The following NIPAL2 variants were observed in gnomAD, a reference collection of about 807,000 sequenced individuals.
NIPAL2 encodes NIPA like domain containing 2, also known as NIPA-like protein 2.
Under a neutral mutation model 48.9 loss-of-function variants are expected in NIPAL2, and 43 were observed. The observed-to-expected ratio is 0.88, with a 90% confidence interval of 0.69 to 1.13. NIPAL2 has a LOEUF of 1.13. NIPAL2 is among the 50% of genes most tolerant of loss of function. NIPAL2 has a pLI of 0.00. For synonymous variants in NIPAL2, 167 were observed against 174.6 expected, an observed-to-expected ratio of 0.96 and a Z score of 0.34; for missense variants, 446 against 461.4, an observed-to-expected ratio of 0.97 and a Z score of 0.31.
chr8:98,229,579 T>C (rs527743150), intron 4 of NIPAL2, among the ~76,000 whole-genome samples: 136 of 152,296 alleles, frequency 8.9e-4, no homozygotes, highest in South Asian at 2.5e-3. Context: ...GGTCTGGCCA[T>C]GTTGTCCAGG....
rs887221149 is a variant in NIPAL2, at chr8:98,222,499, A to T, written c.538T>A (p.Trp180Arg). ...CTTACCACATAGATCAGGAACTGCC[A>T]TCCGACAAGGTAATACTGTACTGTT... ...ARTVQYYLVGWQFLIYVILEI... is the reference protein window; with the variant it reads ...ARTVQYYLVGRQFLIYVILEI... Residue 180 changes from tryptophan to arginine, a missense_variant, in exon 5 of 11, where the codon TGG becomes AGG. Physicochemically the swap from Trp to Arg is moderately radical, Grantham distance 101. Coordinates refer to ENST00000430223, the MANE Select transcript of NIPAL2 (RefSeq NM_001321635.2). The T allele has an allele frequency of 3.1e-6, 5 of 1,613,738 alleles. No homozygotes were observed. The highest frequency in any genetic ancestry group is 4.2e-6 in the Non-Finnish European group (5 of 1,179,912).
chr8:98,275,482 G>T (rs766687624), intron 1 of NIPAL2, among the ~76,000 whole-genome samples: 3 of 152,118 alleles, frequency 2.0e-5, no homozygotes, highest in Non-Finnish European at 2.9e-5. Context: ...ATATGCCACA[G>T]TTTGTTTAAT....
At chr8:98,224,275 C>G (rs987682763) in intron 4 of NIPAL2, among the ~76,000 whole-genome samples, 1 of 152,200 alleles carries the variant, frequency 6.6e-6, no homozygotes, top group Non-Finnish European at 1.5e-5. Context: ...ACTACTACCA[C>G]TAGTTCCTGG....
chr8:98,206,985 T>C (rs1441333372), intron 6 of NIPAL2, among the ~76,000 whole-genome samples: 1 of 152,194 alleles, frequency 6.6e-6, no homozygotes, highest in Non-Finnish European at 1.5e-5. Context: ...TTTAAATATC[T>C]ATAGAGATCT....
intron 4 of NIPAL2, among the ~76,000 whole-genome samples, chr8:98,225,573 G>A (rs899537266): frequency 2.2e-4 from 33 of 152,102 alleles, no homozygotes; most frequent in Admixed American, 9.2e-4. Flanking sequence ...CAGATGTATC[G>A]GAGCTCTTTT....
Position 98,253,502 on chromosome 8 carries a change from C to T in NIPAL2, c.204+517G>A, listed in dbSNP as rs990246139. On this transcript the variant is annotated intron_variant, in intron 2 of 10. Transcript: ENST00000430223. ...TTCAGTTTGCAGTTTAGCAAATCAG[C>T]GATTTATTCATGTTTCTAATTCATG... 4.7e-4 allele frequency among the ~76,000 whole-genome samples: 71 copies of T among 152,210 alleles called. 1 individual carries two copies. Among genetic ancestry groups the T allele is most frequent in the African/African-American group, 1.6e-3 (67 of 41,528 alleles).
At chr8:98,219,130 A>AAG (rs1811719994) in intron 5 of NIPAL2, among the ~76,000 whole-genome samples, 1 of 152,082 alleles carries the variant, frequency 6.6e-6, no homozygotes, top group African/African-American at 2.4e-5. Flanking sequence ...CATGGAAGAG[A>AAG]AGAGAGAGTT....
Position 98,240,375 on chromosome 8 carries a change from C to T in NIPAL2, c.377-4161G>A, listed in dbSNP as rs541989280. Among the ~76,000 whole-genome samples the T allele has an allele frequency of 2.6e-5, 4 of 152,230 alleles. No individual in the cohort carries two copies. In the South Asian group the frequency reaches 8.3e-4, roughly 32 times the overall value. ...AGGAAGATGCGGGCTCTCCTAAGCA[C>T]ACAATAGTCCTAGCAGGTTAATAAA... is the stretch of plus-strand genomic sequence containing the variant. On this transcript the variant is annotated intron_variant, in intron 3 of 10. Coordinates refer to ENST00000430223, the MANE Select transcript of NIPAL2 (RefSeq NM_001321635.2).
At chr8:98,212,903 C>T (rs1811392831) in intron 5 of NIPAL2, among the ~76,000 whole-genome samples, 1 of 152,212 alleles carries the variant, frequency 6.6e-6, no homozygotes. Flanking sequence ...CCGTGTTGCA[C>T]AAACCCCAAA....
intron 1 of NIPAL2, among the ~76,000 whole-genome samples, chr8:98,291,625 G>C (rs1816493746): frequency 6.6e-6 from 1 of 152,170 alleles, no homozygotes; most frequent in African/African-American, 2.4e-5. Flanking sequence ...GTAGTGCTTT[G>C]TACATAGCAT....
chr8:98,278,609 C>T (rs1586474442), intron 1 of NIPAL2, among the ~76,000 whole-genome samples: 1 of 152,218 alleles, frequency 6.6e-6, no homozygotes, highest in East Asian at 1.9e-4. Flanking sequence ...TTATACAATA[C>T]TGCAATTAAT....
At chr8:98,281,126 G>T (rs911430884) in intron 1 of NIPAL2, among the ~76,000 whole-genome samples, 1 of 152,104 alleles carries the variant, frequency 6.6e-6, no homozygotes, top group Admixed American at 6.6e-5. Context: ...TATGTAGAGG[G>T]AAAGGACATG....
At chr8:98,195,881 C>T (rs935923044) in intron 9 of NIPAL2, 61 bp downstream of exon 9, 56 of 1,241,132 alleles carry the variant, frequency 4.5e-5, no homozygotes, top group Non-Finnish European at 5.7e-5. Flanking sequence ...GGTACAATGC[C>T]GAAAATCCTA....
At chr8:98,203,436 C>T (rs1810894673) in intron 7 of NIPAL2, among the ~76,000 whole-genome samples, 1 of 152,124 alleles carries the variant, frequency 6.6e-6, no homozygotes, top group Admixed American at 6.5e-5. Context: ...TAATCATATT[C>T]CGAGGCCACA....
At chr8:98,213,005 C>G (rs1811396530) in intron 5 of NIPAL2, among the ~76,000 whole-genome samples, 1 of 152,196 alleles carries the variant, frequency 6.6e-6, no homozygotes, top group South Asian at 2.1e-4. Context: ...TATAATCCAG[C>G]CATTCCACAG....
At chr8:98,248,320 T>A (rs191490868) in intron 3 of NIPAL2, among the ~76,000 whole-genome samples, 1 of 152,350 alleles carries the variant, frequency 6.6e-6, no homozygotes. Context: ...TTTGGAGGCA[T>A]GGAAGTATGC....
At chr8:98,234,153 A>G (rs377455553) in intron 4 of NIPAL2, among the ~76,000 whole-genome samples, 5 of 152,212 alleles carry the variant, frequency 3.3e-5, no homozygotes, top group African/African-American at 1.2e-4. Flanking sequence ...GGCAGCCCCT[A>G]CAATGAAGAA....
chr8:98,284,699 A>C (rs892271937), intron 1 of NIPAL2, among the ~76,000 whole-genome samples: 10 of 152,150 alleles, frequency 6.6e-5, no homozygotes, highest in Non-Finnish European at 1.5e-4. Flanking sequence ...CCAGAGGCTG[A>C]AGAGGAAATA....
At chr8:98,223,053 A>G (rs1811985841) in intron 4 of NIPAL2, among the ~76,000 whole-genome samples, 1 of 152,114 alleles carries the variant, frequency 6.6e-6, no homozygotes, top group African/African-American at 2.4e-5. Flanking sequence ...TCTGCTCTAC[A>G]CTCACTCATC....
Sources: allele counts gnomAD v4.1 joint callset (sites outside exome capture counted in the v4.1 genomes callset), GRCh38; gene constraint gnomAD v4.1.1; transcripts MANE v1.5; gene names NCBI Gene and HGNC (gene_info 2026-07-23, HGNC 2026-07-21).